NRG3: variants seen among roughly 807,000 people sequenced by gnomAD.
NRG3 encodes pro-neuregulin-3, membrane-bound isoform.
Under a neutral mutation model 66.9 loss-of-function variants are expected in NRG3, and 31 were observed. The observed-to-expected ratio is 0.46, with a 90% confidence interval of 0.35 to 0.63. The LOEUF (loss-of-function observed/expected upper bound fraction) is 0.63, where lower values mean the gene tolerates loss of function less well. Ranked by LOEUF, NRG3 falls within the 20% of genes least tolerant of loss-of-function variation. NRG3 has a pLI of 0.00. For missense variants in NRG3, 910 were observed against 878.9 expected (o/e 1.04, Z -0.45); for synonymous variants, 393 against 359.4 (o/e 1.09, Z -1.06).
chr10:82,501,527 C>G (rs1299180357), intron 2 of NRG3, among the ~76,000 whole-genome samples: 2 of 152,104 alleles, frequency 1.3e-5, no homozygotes, highest in Non-Finnish European at 2.9e-5. Context: ...CTCCTGGCCC[C>G]TTCATTCCAT....
chr10:82,208,532 T>C (rs553907093), intron 1 of NRG3, among the ~76,000 whole-genome samples: 1 of 152,106 alleles, frequency 6.6e-6, no homozygotes, highest in Admixed American at 6.6e-5. Flanking sequence ...CAAAGAAGCA[T>C]ACAAAGAGCA....
At chr10:82,580,492 C>CTG (rs2046296432) in intron 2 of NRG3, among the ~76,000 whole-genome samples, 2 of 151,940 alleles carry the variant, frequency 1.3e-5, no homozygotes, top group South Asian at 4.1e-4. Flanking sequence ...TATCCACCAT[C>CTG]AGAGTATAAC....
intron 2 of NRG3, among the ~76,000 whole-genome samples, chr10:82,491,316 A>ATATATATATATATATATATACATATATAT (rs1389375279): frequency 2.2e-5 from 3 of 136,816 alleles, no homozygotes; most frequent in Non-Finnish European, 4.8e-5. Flanking sequence ...ATATATATAT[A>ATATATATATATATATATATACATATATAT]AAATAAAGAT....
intron 3 of NRG3, among the ~76,000 whole-genome samples, chr10:82,805,865 G>A (rs2061257108): frequency 6.6e-6 from 1 of 152,146 alleles, no homozygotes; most frequent in Non-Finnish European, 1.5e-5. Flanking sequence ...AAGCAAATGT[G>A]CACAGGCCTG....
chr10:82,603,137 G>T lies in NRG3; in HGVS notation c.954-135440G>T, dbSNP rs547055269. Among the ~76,000 whole-genome samples the T allele has an allele frequency of 2.6e-3, 399 of 152,206 alleles. 2 individuals are homozygous for T. Among genetic ancestry groups the T allele is most frequent in the African/African-American group, 9.4e-3 (391 of 41,536 alleles). Reference sequence around the variant, plus strand: ...GTTCTTCCCTGATTCAGTAAATTCTGTACTAGCTATGGTAAGTGAAACAGA... The same window carrying T: ...GTTCTTCCCTGATTCAGTAAATTCTTTACTAGCTATGGTAAGTGAAACAGA... On this transcript the variant is annotated intron_variant, in intron 2 of 8. Coordinates refer to ENST00000372141, the MANE Select transcript of NRG3 (RefSeq NM_001010848.4).
intron 2 of NRG3, among the ~76,000 whole-genome samples, chr10:82,514,250 G>A (rs1254929107): frequency 6.6e-6 from 1 of 152,140 alleles, no homozygotes; most frequent in Non-Finnish European, 1.5e-5. Context: ...TTTCTGTCAT[G>A]AAGTCTTTGC....
chr10:81,955,031 C>T (rs1262457952), intron 1 of NRG3, among the ~76,000 whole-genome samples: 3 of 151,586 alleles, frequency 2.0e-5, no homozygotes, highest in African/African-American at 7.3e-5. Context: ...AGAGAAACAA[C>T]ATATATGTAT....
chr10:82,526,193 T>A (rs968073622), intron 2 of NRG3, among the ~76,000 whole-genome samples: 1 of 151,732 alleles, frequency 6.6e-6, no homozygotes, highest in Non-Finnish European at 1.5e-5. Flanking sequence ...GGAATATAAA[T>A]AGGTAAATTA....
intron 3 of NRG3, among the ~76,000 whole-genome samples, chr10:82,834,164 T>G (rs1040008343): frequency 2.8e-4 from 43 of 152,150 alleles, no homozygotes; most frequent in Admixed American, 6.5e-5. Flanking sequence ...AATGAGGAAT[T>G]TTTGATTTCA....
intron 1 of NRG3, among the ~76,000 whole-genome samples, chr10:82,263,946 A>C (rs2078165416): frequency 6.6e-6 from 1 of 152,182 alleles, no homozygotes; most frequent in African/African-American, 2.4e-5. Flanking sequence ...TGGCAGAATA[A>C]ATGAGTCAAA....
intron 1 of NRG3, among the ~76,000 whole-genome samples, chr10:81,927,753 C>A (rs1291550792): frequency 6.6e-6 from 1 of 152,206 alleles, no homozygotes; most frequent in Non-Finnish European, 1.5e-5. Context: ...GACTGATGGA[C>A]CCCCTCTTGG....
chr10:82,513,007 A>G (rs2132462164), intron 2 of NRG3, among the ~76,000 whole-genome samples: 1 of 152,148 alleles, frequency 6.6e-6, no homozygotes, highest in South Asian at 2.1e-4. Flanking sequence ...GGTTTGTTAC[A>G]TAGGTAAATG....
chr10:82,951,509 A>T lies in NRG3; in HGVS notation c.1095A>T (p.Ser365=). Residue 365 remains serine (S), a synonymous_variant, in exon 5 of 9, where the codon TCA becomes TCT. Transcript: ENST00000372141. The part of the protein sequence containing the change: ...EVYQRQVLSI[S]CIIFGIVIVG... ...ATCAAAGGCAGGTGCTGTCAATTTC[A>T]TGTATCATCTTTGGAATTGTCATCG... 1 of 1,614,000 alleles carries T rather than the reference A, an allele frequency of 6.2e-7. No individual in the cohort carries two copies. The highest frequency in any genetic ancestry group is 1.3e-5 in the African/African-American group (1 of 75,044).
At chr10:82,138,807 G>A (rs966987896) in intron 1 of NRG3, among the ~76,000 whole-genome samples, 3 of 152,130 alleles carry the variant, frequency 2.0e-5, no homozygotes, top group African/African-American at 7.2e-5. Context: ...AGGGCAGGAA[G>A]CATCCAGCTT....
At chr10:82,010,034 A>G (rs1301321883) in intron 1 of NRG3, among the ~76,000 whole-genome samples, 1 of 152,174 alleles carries the variant, frequency 6.6e-6, no homozygotes, top group Admixed American at 6.6e-5. Context: ...GCCTCATGAG[A>G]TCTGAGATGT....
intron 1 of NRG3, among the ~76,000 whole-genome samples, chr10:82,343,447 A>G (rs1024127653): frequency 6.6e-6 from 1 of 152,208 alleles, no homozygotes; most frequent in African/African-American, 2.4e-5. Context: ...AAGAATCAAT[A>G]TCATTAAAAT....
chr10:82,708,539 C>T (rs888148017), intron 2 of NRG3, among the ~76,000 whole-genome samples: 4 of 152,228 alleles, frequency 2.6e-5, no homozygotes, highest in South Asian at 2.1e-4. Context: ...GTTTCACTCC[C>T]GGTACCACCT....
chr10:82,347,046 T>A (rs2083075561), intron 1 of NRG3, among the ~76,000 whole-genome samples: 1 of 151,656 alleles, frequency 6.6e-6, no homozygotes, highest in Non-Finnish European at 1.5e-5. Context: ...TTTTGAAGGG[T>A]TTTTTGTGTC....
chr10:82,975,514 G>A (rs889461131), intron 7 of NRG3, among the ~76,000 whole-genome samples: 20 of 152,166 alleles, frequency 1.3e-4, no homozygotes, highest in Admixed American at 1.1e-3. Context: ...ATCTTTAAGA[G>A]ACCTTCCTTT....
Sources: allele counts gnomAD v4.1 joint callset (sites outside exome capture counted in the v4.1 genomes callset), GRCh38; gene constraint gnomAD v4.1.1; transcripts MANE v1.5; gene names NCBI Gene and HGNC (gene_info 2026-07-23, HGNC 2026-07-21).